The following DTNA variants were observed in gnomAD, a reference collection of about 807,000 sequenced individuals.
The protein encoded by DTNA is dystrobrevin alpha.
A neutral mutation model predicts 100.7 loss-of-function variants in DTNA; 43 were observed. The ratio of observed to expected loss-of-function variants is 0.43; its 90% CI spans 0.33 to 0.55. The LOEUF is 0.55. Ranked by LOEUF, DTNA falls within the 20% of genes least tolerant of loss-of-function variation. DTNA has a pLI of 0.04. For missense variants in DTNA, 798 were observed against 953.9 expected, an observed-to-expected ratio of 0.84 and a Z score of 2.15; for synonymous variants, 349 against 347.9, an observed-to-expected ratio of 1.00 and a Z score of -0.04.
intron 3 of DTNA, among the ~76,000 whole-genome samples, chr18:34,791,251 A>G (rs952432984): frequency 6.6e-6 from 1 of 152,146 alleles, no homozygotes; most frequent in African/African-American, 2.4e-5. Context: ...CTTTCTTGAC[A>G]TATACCCATC....
At chr18:34,732,058 A>G (rs1253224788) in intron 1 of DTNA, among the ~76,000 whole-genome samples, 1 of 152,168 alleles carries the variant, frequency 6.6e-6, no homozygotes, top group Non-Finnish European at 1.5e-5. Flanking sequence ...AGTTCCATTT[A>G]TTAGTATCCC....
chr18:34,537,699 C>T (rs1361751572), intron 1 of DTNA, among the ~76,000 whole-genome samples: 1 of 151,420 alleles, frequency 6.6e-6, no homozygotes, highest in Non-Finnish European at 1.5e-5. Flanking sequence ...GTAAAATTAA[C>T]AATAACCTGG....
In DTNA at chr18:34,838,801, G is replaced by C. The variant is rs770236446; in HGVS notation, c.1310G>C (p.Gly437Ala). 1 of 1,613,742 alleles carries C rather than the reference G, an allele frequency of 6.2e-7. No individual in the cohort carries two copies. Among genetic ancestry groups the C allele is most frequent in the Non-Finnish European group, 8.5e-7 (1 of 1,179,792 alleles). ...DRLADEHVLI[G>A]LYVNMLRNNP... is the part of the protein sequence containing the mutation. ...CTAGCTGATGAACATGTTCTCATCG[G>C]GTTGTATGTCAACATGCTCCGGAAC... Residue 437 changes from glycine to alanine, a missense_variant, in exon 13 of 23, where the codon GGG (glycine) becomes GCG (alanine). Gly to Ala is a moderately conservative substitution (Grantham distance 60). This residue lies in a region of DTNA where 159 missense variants were observed against 201.2 expected (regional missense o/e 0.79). Transcript: ENST00000444659.
At chr18:34,702,320 T>C (rs767963132) in intron 1 of DTNA, among the ~76,000 whole-genome samples, 3 of 152,150 alleles carry the variant, frequency 2.0e-5, no homozygotes, top group Non-Finnish European at 2.9e-5. Flanking sequence ...CAGACTAAAT[T>C]ATCACGTGAA....
intron 1 of DTNA, among the ~76,000 whole-genome samples, chr18:34,716,452 A>G (rs1443575742): frequency 6.6e-6 from 1 of 152,122 alleles, no homozygotes; most frequent in African/African-American, 2.4e-5. Flanking sequence ...AATCCCAGCT[A>G]CTTGTGAGGC....
At chr18:34,753,012 A>T (rs1368146693) in intron 1 of DTNA, among the ~76,000 whole-genome samples, 1 of 152,252 alleles carries the variant, frequency 6.6e-6, no homozygotes, top group African/African-American at 2.4e-5. Context: ...AATATAATTG[A>T]AAGTTCATTT....
chr18:34,515,080 T>G (rs1198245118), intron 1 of DTNA, among the ~76,000 whole-genome samples: 1 of 152,048 alleles, frequency 6.6e-6, no homozygotes, highest in Non-Finnish European at 1.5e-5. Flanking sequence ...CTTGATGCCT[T>G]TTAAAATTCT....
intron 1 of DTNA, among the ~76,000 whole-genome samples, chr18:34,677,104 C>T (rs185798260): frequency 8.8e-4 from 134 of 152,232 alleles, no homozygotes; most frequent in African/African-American, 3.2e-3. Flanking sequence ...GATTAGACAA[C>T]TAACTTCTTT....
chr18:34,580,907 G>T (rs2048550400), intron 1 of DTNA, among the ~76,000 whole-genome samples: 1 of 152,100 alleles, frequency 6.6e-6, no homozygotes, highest in African/African-American at 2.4e-5. Flanking sequence ...TGGTTGTGGG[G>T]CCTCAGTATT....
chr18:34,567,699 T>G (rs1276763935), intron 1 of DTNA, among the ~76,000 whole-genome samples: 1 of 152,202 alleles, frequency 6.6e-6, no homozygotes, highest in Non-Finnish European at 1.5e-5. Flanking sequence ...AAATTTTACC[T>G]AACTGCTATT....
intron 15 of DTNA, among the ~76,000 whole-genome samples, chr18:34,853,853 TTTA>T (rs1435938803): frequency 6.6e-6 from 1 of 152,192 alleles, no homozygotes; most frequent in Non-Finnish European, 1.5e-5. Flanking sequence ...TTATGTATCA[TTTA>T]TTATATCTAC....
intron 17 of DTNA, chr18:34,866,659 T>G (rs1011467050): frequency 2.1e-5 from 21 of 1,008,026 alleles, no homozygotes; most frequent in Non-Finnish European, 2.4e-5. Context: ...ACACAATTAT[T>G]GAGCCTTGTT....
At chr18:34,761,966 T>C (rs1451346316) in intron 2 of DTNA, among the ~76,000 whole-genome samples, 1 of 152,200 alleles carries the variant, frequency 6.6e-6, no homozygotes, top group Admixed American at 6.5e-5. Context: ...GAGAAAATTC[T>C]GTACTTTTTT....
At chr18:34,517,430 C>T (rs1469899227) in intron 1 of DTNA, among the ~76,000 whole-genome samples, 3 of 148,486 alleles carry the variant, frequency 2.0e-5, no homozygotes, top group Non-Finnish European at 4.4e-5. Flanking sequence ...ATTCACAGAC[C>T]TTATTCAGAT....
intron 3 of DTNA, among the ~76,000 whole-genome samples, chr18:34,777,160 T>G (rs1257025594): frequency 6.6e-6 from 1 of 152,228 alleles, no homozygotes; most frequent in Non-Finnish European, 1.5e-5. Flanking sequence ...GTTGTTATGT[T>G]TATTACACCT....
intron 1 of DTNA, among the ~76,000 whole-genome samples, chr18:34,529,730 A>G (rs2461348): frequency 0.59 from 90,328 of 151,954 alleles, 28,453 homozygotes; most frequent in East Asian, 0.9. Flanking sequence ...GTCTCTTAAT[A>G]TAAGCTGATA....
chr18:34,522,616 C>T (rs1240676753), intron 1 of DTNA, among the ~76,000 whole-genome samples: 1 of 152,158 alleles, frequency 6.6e-6, no homozygotes, highest in Admixed American at 6.5e-5. Flanking sequence ...TATATTAGTG[C>T]AGCTCTGCCC....
chr18:34,496,919 C>T (rs2039303146), intron 1 of DTNA, among the ~76,000 whole-genome samples: 1 of 152,152 alleles, frequency 6.6e-6, no homozygotes, highest in South Asian at 2.1e-4. Context: ...ATGTGTGTCA[C>T]TCTAGTTACT....
chr18:34,819,824 G>T (rs551221585), intron 8 of DTNA, among the ~76,000 whole-genome samples: 11 of 151,788 alleles, frequency 7.2e-5, no homozygotes, highest in African/African-American at 2.2e-4. Flanking sequence ...TTATTACTTA[G>T]CTTTTAAAAA....
Sources: gnomAD v4.1 joint callset for allele counts (sites outside exome capture counted in the v4.1 genomes callset) on GRCh38, gnomAD v4.1.1 for gene constraint, gnomAD v4.1.1 regional missense constraint, MANE v1.5 for transcripts, NCBI Gene and HGNC (gene_info 2026-07-23, HGNC 2026-07-21) for gene names.